DMBT1: variants seen among roughly 807,000 people sequenced by gnomAD.
DMBT1 encodes scavenger receptor cysteine-rich domain-containing protein DMBT1.
Under a neutral mutation model 252.9 loss-of-function variants are expected in DMBT1, and 198 were observed. The observed-to-expected ratio is 0.78, with a 90% CI of 0.70 to 0.88. The LOEUF is 0.88. DMBT1 is among the 40% of genes least tolerant of loss of function. The probability of loss-of-function intolerance (pLI) is 0.00; values close to 1 mark genes in which losing one functional copy is unlikely to be tolerated. For missense variants in DMBT1, 2,432 were observed against 2,404.7 expected (o/e 1.01, Z -0.24); for synonymous variants, 990 against 942.7 (o/e 1.05, Z -0.92).
At chr10:122,568,706 C>G (rs971320315) in intron 2 of DMBT1, among the ~76,000 whole-genome samples, 2 of 152,222 alleles carry the variant, frequency 1.3e-5, no homozygotes, top group African/African-American at 4.8e-5. Context: ...GCCCAGGATG[C>G]AGATGTTGTC....
At chr10:122,599,354 A>G (rs2097916863) in intron 26 of DMBT1, among the ~76,000 whole-genome samples, 1 of 152,170 alleles carries the variant, frequency 6.6e-6, no homozygotes, top group Admixed American at 6.5e-5. Context: ...GCAGAAGAGA[A>G]AAGTGCTGGC....
At chr10:122,633,592 C>T (rs566704470) in intron 52 of DMBT1, among the ~76,000 whole-genome samples, 2 of 152,170 alleles carry the variant, frequency 1.3e-5, no homozygotes, top group South Asian at 2.1e-4. Flanking sequence ...GGTTTCAAGT[C>T]CTAGGTCTTT....
rs2097848046 is a variant in DMBT1, at chr10:122,591,401, C to A, written c.2138-78C>A. ...ATGGAAGAATATTCATGATGCTTGC[C>A]TTGTCCAGAGACCTTTCCTTTTGGA... On this transcript the variant is annotated intron_variant, in intron 18 of 55. Coordinates refer to ENST00000338354, the MANE Select transcript of DMBT1 (RefSeq NM_001377530.1). 16 of 1,437,690 alleles carry A rather than the reference C, an allele frequency of 1.1e-5. 1 individual carries two copies. The highest frequency in any genetic ancestry group is 1.5e-5 in the Non-Finnish European group (15 of 1,028,958). 89.1% of individuals were successfully genotyped at this position (1,437,690 alleles called of 1,614,324 possible).
chr10:122,630,241 G>A lies in DMBT1; in HGVS notation c.5823-47G>A, dbSNP rs747335774. The A allele has an allele frequency of 2.2e-5, 34 of 1,567,560 alleles. No homozygotes were observed. In the South Asian group the frequency reaches 3.6e-4, roughly 16 times the overall value. ...GTGCAAACTATTTATAAAATGGAGG[G>A]GCAATAGGAATTTCAATGTTGACTT... On this transcript the variant is annotated intron_variant, in intron 47 of 55. Transcript: ENST00000338354.
chr10:122,578,443 G>A (rs1374656173), intron 8 of DMBT1, among the ~76,000 whole-genome samples: 2 of 152,164 alleles, frequency 1.3e-5, no homozygotes, highest in Admixed American at 6.5e-5. Flanking sequence ...GTCAGTCCAC[G>A]CGTCAGTGGA....
At position 122,598,884 on chromosome 10, in the gene DMBT1, G is replaced by C. The variant is rs767275117; in HGVS notation, c.3067G>C (p.Asp1023His). Residue 1023 changes from aspartate (D) to histidine (H), a missense_variant, in exon 26 of 56, where the codon GAC becomes CAC. Asp to His is a moderately conservative substitution (Grantham distance 81). Transcript: ENST00000338354. Reference sequence around the variant, plus strand: ...GGGCACCGTGTGCGATGACAGCTGGGACACCAATGATGCCAATGTCGTCTG... The same window carrying C: ...GGGCACCGTGTGCGATGACAGCTGGCACACCAATGATGCCAATGTCGTCTG... ...SWGTVCDDSW[D>H]TNDANVVCRQ... The C allele has an allele frequency of 2.5e-6, 4 of 1,613,750 alleles. No individual in the cohort carries two copies. The African/African-American group carries it at 5.3e-5, about 22-fold the overall frequency.
At chr10:122,571,316 G>A (rs764106241) in intron 4 of DMBT1, among the ~76,000 whole-genome samples, 1 of 152,122 alleles carries the variant, frequency 6.6e-6, no homozygotes, top group Admixed American at 6.5e-5. Context: ...TCTGCTGATG[G>A]AATCACCTTG....
chr10:122,600,571 G>A (rs1016445248), intron 27 of DMBT1, among the ~76,000 whole-genome samples: 5 of 152,178 alleles, frequency 3.3e-5, no homozygotes, highest in African/African-American at 1.2e-4. Context: ...GGCAGGGAGA[G>A]GGATAATAAA....
At position 122,580,899 on chromosome 10, in the gene DMBT1, G is replaced by A. The variant is rs536343748; in HGVS notation, c.1033+4G>A. 8 of 1,613,764 alleles carry A rather than the reference G, an allele frequency of 5.0e-6. No individual in the cohort carries two copies. Among genetic ancestry groups the A allele is most frequent in the South Asian group, 2.2e-5 (2 of 91,010 alleles). ...TCCCGGCCGACACCCAGCCCAGGTAGGTCCCCAGTGTCCTTCCTCAAAATG... is the reference window on the plus strand; with the variant it reads ...TCCCGGCCGACACCCAGCCCAGGTAAGTCCCCAGTGTCCTTCCTCAAAATG... On this transcript the variant is annotated splice_donor_region_variant and intron_variant, in intron 11 of 55. Coordinates refer to ENST00000338354, the MANE Select transcript of DMBT1 (RefSeq NM_001377530.1).
chr10:122,574,426 C>T (rs914494401), intron 6 of DMBT1, among the ~76,000 whole-genome samples: 6 of 152,180 alleles, frequency 3.9e-5, no homozygotes, highest in Non-Finnish European at 7.3e-5. Context: ...AAGGCCTCTG[C>T]GCTGCCCAGG....
chr10:122,590,457 A>G (rs200718218), intron 17 of DMBT1, among the ~76,000 whole-genome samples: 1 of 148,582 alleles, frequency 6.7e-6, no homozygotes, highest in Non-Finnish European at 1.5e-5. Flanking sequence ...CACAAACTTA[A>G]TCACTTTGGA....
At chr10:122,560,861 T>C (rs1467864579) in intron 1 of DMBT1, 30 bp downstream of exon 1, 10 of 1,522,022 alleles carry the variant, frequency 6.6e-6, no homozygotes, top group Non-Finnish European at 8.0e-6. Context: ...TATTCATTAA[T>C]TTCTCTCCTG....
intron 53 of DMBT1, 24 bp downstream of exon 53, chr10:122,636,223 CT>C (rs2098225835): frequency 1.3e-6 from 2 of 1,587,866 alleles, no homozygotes; most frequent in Non-Finnish European, 1.7e-6. Flanking sequence ...TGGAAATGCT[CT>C]GTTGGGACTG....
In DMBT1 at chr10:122,584,820, C is replaced by G. The variant is rs559067352; in HGVS notation, c.1421-451C>G. Among the ~76,000 whole-genome samples, 7 of 149,370 alleles carry G rather than the reference C, an allele frequency of 4.7e-5. 1 individual carries two copies. In the East Asian group the frequency reaches 1.4e-3, roughly 31 times the overall value. ...CCAACACCCAGATTCTGCAGCGCTA[C>G]ATGTGCATCCAGAAGAGGCATAGGC... On this transcript the variant is annotated intron_variant, in intron 14 of 55. Transcript: ENST00000338354.
Position 122,630,952 on chromosome 10 carries a change from G to A in DMBT1, c.6026-9G>A. ...ATGGCCATGATCTCTCAGTTAATGT[G>A]TCTTTCAGATGCCACCTTGAGGTTG... On this transcript the variant is annotated splice_polypyrimidine_tract_variant and intron_variant, in intron 48 of 55. Coordinates refer to ENST00000338354, the MANE Select transcript of DMBT1 (RefSeq NM_001377530.1). The A allele has an allele frequency of 6.3e-7, 1 of 1,587,872 alleles. No individual in the cohort carries two copies. Among genetic ancestry groups the A allele is most frequent in the Non-Finnish European group, 8.6e-7 (1 of 1,162,770 alleles).
intron 19 of DMBT1, among the ~76,000 whole-genome samples, 169 bp from the exon 20 acceptor site, chr10:122,592,103 C>T (rs1053516964): frequency 6.7e-6 from 1 of 148,530 alleles, no homozygotes; most frequent in African/African-American, 2.4e-5. Context: ...AATAGGGTAT[C>T]ACCTCTCCTT....
intron 46 of DMBT1, among the ~76,000 whole-genome samples, chr10:122,627,982 C>A (rs977935844): frequency 1.3e-5 from 2 of 152,136 alleles, no homozygotes; most frequent in African/African-American, 4.8e-5. Context: ...AATGAAACAC[C>A]CAGTAGGTGG....
At chr10:122,619,244 T>C in intron 41 of DMBT1, 64 bp from the exon 42 acceptor site, 1 of 1,605,650 alleles carries the variant, frequency 6.2e-7, no homozygotes, top group Admixed American at 1.7e-5. Context: ...CTTCTATCTT[T>C]GTTCCAGTTT....
chr10:122,577,836 G>GC lies in DMBT1; in HGVS notation c.635dup (p.Glu213ArgfsTer17). 6.2e-7 allele frequency: 1 copy of GC among 1,613,676 alleles called. No individual in the cohort carries two copies. ...CTGCCCAGCCTCAGTCAACACTCAG[G>GC]CCAGGTGAGTCCCCAGAATCCTTCC... On this transcript the variant is annotated frameshift_variant, in exon 8 of 56. Transcript: ENST00000338354. LOFTEE classifies it high-confidence loss of function.
Sources: allele counts gnomAD v4.1 joint callset (sites outside exome capture counted in the v4.1 genomes callset), GRCh38; gene constraint gnomAD v4.1.1; transcripts MANE v1.5; gene names NCBI Gene and HGNC (gene_info 2026-07-23, HGNC 2026-07-21).